Variants in SPAG17 observed in about 807,000 individuals in gnomAD.
SPAG17 encodes sperm associated antigen 17.
SPAG17 carries 169 observed loss-of-function variants against 273.6 expected under a neutral mutation model. The ratio of observed to expected loss-of-function variants is 0.62; its 90% CI spans 0.55 to 0.70. The LOEUF is 0.70. Ranked by LOEUF, SPAG17 falls within the 30% of genes least tolerant of loss-of-function variation. The probability of loss-of-function intolerance (pLI) is 0.00; values close to 1 mark genes in which losing one functional copy is unlikely to be tolerated. For missense variants in SPAG17, 2,557 were observed against 2,627.8 expected (o/e 0.97, Z 0.59); for synonymous variants, 825 against 873.2 (o/e 0.94, Z 0.97).
chr1:118,007,601 T>C (rs1659030546), intron 31 of SPAG17, among the ~76,000 whole-genome samples: 3 of 152,172 alleles, frequency 2.0e-5, no homozygotes, highest in South Asian at 4.1e-4. Context: ...ACACACACCA[T>C]GTGCTCTGTC....
intron 1 of SPAG17, among the ~76,000 whole-genome samples, chr1:118,159,291 T>C (rs991217611): frequency 6.6e-6 from 1 of 152,232 alleles, no homozygotes. Context: ...TCTTCATAAA[T>C]ATTAAATGTG....
intron 48 of SPAG17, chr1:117,954,564 A>G: frequency 5.0e-6 from 8 of 1,611,346 alleles, no homozygotes; most frequent in Non-Finnish European, 6.8e-6. Flanking sequence ...GACTTGATTT[A>G]ATAATTTCTT....
Position 117,981,421 on chromosome 1 carries a change from C to T in SPAG17, c.5873-20G>A. ...TGAAATCTAGAAAACCCAAAATGAA[C>T]CTTATAAAGTGATATTTTGTAAAAT... On this transcript the variant is annotated intron_variant, in intron 42 of 48. Coordinates refer to ENST00000336338, the MANE Select transcript of SPAG17 (RefSeq NM_206996.4). 3.8e-6 allele frequency: 6 copies of T among 1,580,476 alleles called. No homozygotes were observed. Among genetic ancestry groups the T allele is most frequent in the South Asian group, 1.2e-5 (1 of 84,118 alleles).
At chr1:118,164,997 C>T (rs997771060) in intron 1 of SPAG17, among the ~76,000 whole-genome samples, 1 of 152,200 alleles carries the variant, frequency 6.6e-6, no homozygotes, top group Admixed American at 6.5e-5. Flanking sequence ...ATTCAGAATG[C>T]CCTCCTTCCA....
chr1:118,099,886 T>C, intron 5 of SPAG17, 86 bp from the exon 6 acceptor site: 3 of 1,132,924 alleles, frequency 2.6e-6, no homozygotes, highest in Non-Finnish European at 3.8e-6. Flanking sequence ...ATATACATTA[T>C]GCATGCATTT....
intron 3 of SPAG17, among the ~76,000 whole-genome samples, chr1:118,135,401 G>A (rs867809234): frequency 1.7e-3 from 256 of 150,048 alleles, no homozygotes; most frequent in African/African-American, 6.1e-3. Flanking sequence ...GTGTGTGTGT[G>A]TGTGTGTGTA....
chr1:117,954,127 T>C (rs1202166822), intron 48 of SPAG17, 78 bp from the exon 49 acceptor site: 1 of 1,576,670 alleles, frequency 6.3e-7, no homozygotes, highest in African/African-American at 1.4e-5. Flanking sequence ...TAAGTTACAG[T>C]ATCAATAAAG....
intron 32 of SPAG17, among the ~76,000 whole-genome samples, chr1:118,001,674 T>C (rs1045440059): frequency 2.0e-5 from 3 of 151,962 alleles, no homozygotes; most frequent in Non-Finnish European, 2.9e-5. Flanking sequence ...ATATCTCTTT[T>C]ATCATTTTTT....
At chr1:118,092,049 G>A (rs1277980313) in intron 8 of SPAG17, 47 bp from the exon 9 acceptor site, 1 of 1,510,786 alleles carries the variant, frequency 6.6e-7, no homozygotes, top group Non-Finnish European at 9.2e-7. Flanking sequence ...ACCCAGCTGA[G>A]AGATGCCCTC....
chr1:117,972,835 A>G (rs1241775509), intron 44 of SPAG17, among the ~76,000 whole-genome samples: 1 of 152,200 alleles, frequency 6.6e-6, no homozygotes, highest in Non-Finnish European at 1.5e-5. Flanking sequence ...ACAGAACTGG[A>G]TGGAATCTTA....
At chr1:118,062,345 C>A (rs1262675383) in intron 18 of SPAG17, among the ~76,000 whole-genome samples, 1 of 100,778 alleles carries the variant, frequency 9.9e-6, no homozygotes, top group Non-Finnish European at 1.8e-5. Context: ...CCAGCCTGGG[C>A]GACAGAGCGA....
Position 117,996,447 on chromosome 1 carries a change from T to C in SPAG17, c.4976A>G (p.Asp1659Gly). The change falls in exon 34 of 49, where the codon GAC (aspartate) becomes GGC (glycine). Residue 1659 changes from aspartate (D) to glycine (G), a missense_variant. Transcript: ENST00000336338. The stretch of plus-strand genomic sequence containing the variant: ...TGCCAAAGATAGATATTCTTCTATG[T>C]CACTGTCTCGAAGAAGTTCCATTCC... ...GSGMELLRDS[D>G]IEEYLSLAYK... 5.6e-6 allele frequency: 9 copies of C among 1,613,150 alleles called. No homozygotes were observed. The highest frequency in any genetic ancestry group is 7.6e-6 in the Non-Finnish European group (9 of 1,179,402).
At chr1:118,042,157 ATC>A in intron 20 of SPAG17, 115 bp from the exon 21 acceptor site, 1 of 1,230,680 alleles carries the variant, frequency 8.1e-7, no homozygotes, top group Non-Finnish European at 1.1e-6. Flanking sequence ...TCTCTGACAA[ATC>A]AAAATACTGA....
At chr1:117,954,185 A>T (rs578234049) in intron 48 of SPAG17, 136 bp from the exon 49 acceptor site, 2 of 1,111,794 alleles carry the variant, frequency 1.8e-6, no homozygotes, top group African/African-American at 3.1e-5. Flanking sequence ...ATTAACTAAG[A>T]TCAGGATATG....
intron 48 of SPAG17, among the ~76,000 whole-genome samples, chr1:117,956,412 CCTTACAAGAAACAACA>C (rs1271700276): frequency 2.0e-5 from 3 of 152,094 alleles, no homozygotes; most frequent in African/African-American, 7.2e-5. Flanking sequence ...CATATATATT[CCTTACAAGAAACAACA>C]CTTGTCTTAG....
intron 3 of SPAG17, among the ~76,000 whole-genome samples, chr1:118,137,190 A>G (rs1437456945): frequency 6.6e-6 from 1 of 152,226 alleles, no homozygotes; most frequent in Non-Finnish European, 1.5e-5. Flanking sequence ...GTGACATGTT[A>G]TTAGACTGTT....
At chr1:117,995,534 GGTCA>G (rs1221941306) in intron 34 of SPAG17, among the ~76,000 whole-genome samples, 9 of 151,868 alleles carry the variant, frequency 5.9e-5, no homozygotes, top group Admixed American at 3.3e-4. Flanking sequence ...ACTGACTGGG[GGTCA>G]GTCAGAGTCC....
At chr1:118,045,909 G>A (rs897317424) in intron 20 of SPAG17, among the ~76,000 whole-genome samples, 2 of 152,166 alleles carry the variant, frequency 1.3e-5, no homozygotes, top group African/African-American at 4.8e-5. Context: ...AGTATTGTGA[G>A]TAAAACAGTT....
intron 1 of SPAG17, among the ~76,000 whole-genome samples, chr1:118,169,654 A>T (rs1259701798): frequency 6.6e-6 from 1 of 152,168 alleles, no homozygotes; most frequent in Non-Finnish European, 1.5e-5. Flanking sequence ...AATTCAACTG[A>T]ACTCTTCCTT....
Sources: allele counts gnomAD v4.1 joint callset (sites outside exome capture counted in the v4.1 genomes callset), GRCh38; gene constraint gnomAD v4.1.1; transcripts MANE v1.5; gene names NCBI Gene and HGNC (gene_info 2026-07-23, HGNC 2026-07-21).